Variants in KCNMA1 observed in about 807,000 individuals in gnomAD.
The protein encoded by KCNMA1 is Calcium-activated potassium channel subunit alpha-1.
Under a neutral mutation model 140.0 loss-of-function variants are expected in KCNMA1, and 29 were observed. The ratio of observed to expected loss-of-function variants is 0.21; its 90% confidence interval spans 0.15 to 0.28. KCNMA1 has a LOEUF of 0.28. KCNMA1 is among the 10% of genes least tolerant of loss of function. The pLI is 1.00. For missense variants in KCNMA1, 880 were observed against 1,602.2 expected (o/e 0.55, Z 7.70); for synonymous variants, 612 against 611.9 (o/e 1.00, Z 0.00).
At chr10:77,295,519 C>T (rs970718087) in intron 2 of KCNMA1, among the ~76,000 whole-genome samples, 4 of 151,710 alleles carry the variant, frequency 2.6e-5, no homozygotes, top group African/African-American at 9.7e-5. Flanking sequence ...CGGTGGCTCA[C>T]GCCTGTAATC....
intron 2 of KCNMA1, among the ~76,000 whole-genome samples, chr10:77,283,615 G>A (rs564779614): frequency 1.3e-5 from 2 of 152,324 alleles, no homozygotes; most frequent in Middle Eastern, 6.8e-3. Flanking sequence ...TGGTAGAGTT[G>A]GATCCTTTGG....
intron 3 of KCNMA1, among the ~76,000 whole-genome samples, chr10:77,248,865 C>T (rs149854723): frequency 8.5e-5 from 13 of 152,230 alleles, no homozygotes; most frequent in Non-Finnish European, 1.8e-4. Context: ...GCTTGCTTGC[C>T]GTCTTTCCCA....
Position 77,108,622 on chromosome 10 carries a change from A to G in KCNMA1, c.1132-50T>C. 4 of 1,384,352 alleles carry G rather than the reference A, an allele frequency of 2.9e-6. No homozygotes were observed. The highest frequency in any genetic ancestry group is 4.1e-6 in the Non-Finnish European group (4 of 975,046). The allele number at this position is 1,384,352 out of a possible 1,614,324, so 85.8% of individuals were successfully genotyped here. On this transcript the variant is annotated intron_variant, in intron 8 of 27. Transcript: ENST00000286628. The surrounding 1 kb of genome is among the most constrained non-coding windows in gnomAD (Gnocchi z 4.6). The stretch of plus-strand genomic sequence containing the variant: ...AGACTAAAAAGACAGGCCAAAGAAA[A>G]GGGGGGACCTGTTCAGAGGGTGGGG...
At chr10:76,925,653 C>T (rs924845843) in intron 23 of KCNMA1, among the ~76,000 whole-genome samples, 4 of 152,088 alleles carry the variant, frequency 2.6e-5, no homozygotes, top group Admixed American at 1.3e-4. Flanking sequence ...TCTTTATGTT[C>T]TTGGTGCTAT....
At chr10:77,296,916 G>C (rs1302024888) in intron 2 of KCNMA1, among the ~76,000 whole-genome samples, 1 of 149,846 alleles carries the variant, frequency 6.7e-6, no homozygotes, top group Non-Finnish European at 1.5e-5. Context: ...TGTGGGCGGG[G>C]GGGCGGTGGG....
chr10:77,134,997 C>CAAAAAAAAAAAAA lies in KCNMA1; in HGVS notation c.809-13962_809-13950dup. On this transcript the variant is annotated intron_variant, in intron 5 of 27. Coordinates refer to ENST00000286628, the MANE Select transcript of KCNMA1 (RefSeq NM_001161352.2). ...TGGGAGACAGAGCAAGACTCTGTCT[C>CAAAAAAAAAAAAA]AAAAAAAAAAAAAAAAAAAAAAAAA... 3.1e-3 allele frequency among the ~76,000 whole-genome samples: 36 copies of CAAAAAAAAAAAAA among 11,770 alleles called. 5 individuals are homozygous for CAAAAAAAAAAAAA. The highest frequency in any genetic ancestry group is 9.8e-3 in the Admixed American group (5 of 512). The allele number at this position is 11,770 out of a possible 152,430, so 7.7% of individuals were successfully genotyped here.
chr10:76,907,112 A>T (rs949599669), intron 25 of KCNMA1, among the ~76,000 whole-genome samples: 1 of 152,200 alleles, frequency 6.6e-6, no homozygotes, highest in South Asian at 2.1e-4. Flanking sequence ...GCTCCTGATG[A>T]TAAATACAAT....
intron 18 of KCNMA1, among the ~76,000 whole-genome samples, chr10:77,005,253 C>T (rs1176500483): frequency 6.6e-6 from 1 of 152,160 alleles, no homozygotes; most frequent in African/African-American, 2.4e-5. Flanking sequence ...CATTTCAATT[C>T]AATGGCTTCT....
At chr10:77,061,174 T>C (rs1242604304) in intron 14 of KCNMA1, among the ~76,000 whole-genome samples, 1 of 152,074 alleles carries the variant, frequency 6.6e-6, no homozygotes, top group Admixed American at 6.6e-5. Context: ...TAAGAAAAAC[T>C]CCAAATATTT....
chr10:76,951,432 A>G (rs1403765425), intron 21 of KCNMA1, among the ~76,000 whole-genome samples: 1 of 152,150 alleles, frequency 6.6e-6, no homozygotes, highest in Non-Finnish European at 1.5e-5. Flanking sequence ...CTGGTCACTT[A>G]AACACACCCT....
intron 2 of KCNMA1, among the ~76,000 whole-genome samples, chr10:77,392,149 A>G (rs1049700564): frequency 8.6e-6 from 1 of 116,042 alleles, no homozygotes; most frequent in Non-Finnish European, 1.8e-5. Context: ...GAAGGGAGGG[A>G]GGGAGGAAGG....
intron 1 of KCNMA1, among the ~76,000 whole-genome samples, chr10:77,404,662 T>C (rs1230400607): frequency 6.6e-6 from 1 of 152,170 alleles, no homozygotes; most frequent in Non-Finnish European, 1.5e-5. Flanking sequence ...CCTGTGGTCT[T>C]TGCCTACCCA....
In KCNMA1 at chr10:77,543,083, C is replaced by T. The variant is rs570992164; in HGVS notation, c.378+94182G>A. Reference sequence around the variant, plus strand: ...TCTCTCTCTCTTTCTCTCACAGAAACACAGGTTCCAGGGCTCAACGCTTAA... The same window carrying T: ...TCTCTCTCTCTTTCTCTCACAGAAATACAGGTTCCAGGGCTCAACGCTTAA... On this transcript the variant is annotated intron_variant, in intron 1 of 27. Coordinates refer to ENST00000286628, the MANE Select transcript of KCNMA1 (RefSeq NM_001161352.2). Among the ~76,000 whole-genome samples the T allele has an allele frequency of 1.2e-4, 18 of 150,962 alleles. 1 individual carries two copies. In the South Asian group the frequency reaches 3.1e-3, roughly 26 times the overall value.
intron 23 of KCNMA1, among the ~76,000 whole-genome samples, chr10:76,938,711 C>G (rs1213367841): frequency 1.3e-5 from 2 of 152,170 alleles, no homozygotes; most frequent in Admixed American, 6.5e-5. Context: ...ATGCCCAACC[C>G]ACATTTCAAC....
rs866230340 is a variant in KCNMA1 at position 77,440,878 on chromosome 10, G to A, written c.379-36855C>T. On this transcript the variant is annotated intron_variant, in intron 1 of 27. Transcript: ENST00000286628. Reference sequence around the variant, plus strand: ...CTGTCGCCCAGGCTGGAGTGCAGTGGCACGATCTTGGCTCACTGCAAGCTC... The same window carrying A: ...CTGTCGCCCAGGCTGGAGTGCAGTGACACGATCTTGGCTCACTGCAAGCTC... 3.3e-5 allele frequency among the ~76,000 whole-genome samples: 5 copies of A among 152,276 alleles called. No homozygotes were observed. In the South Asian group the frequency reaches 1.0e-3, roughly 32 times the overall value.
intron 5 of KCNMA1, among the ~76,000 whole-genome samples, chr10:77,127,910 G>A (rs553557421): frequency 1.3e-5 from 2 of 152,202 alleles, no homozygotes; most frequent in African/African-American, 4.8e-5. Flanking sequence ...GGAGGTGGAA[G>A]TTGCAGTGAG....
At chr10:77,584,759 C>T (rs1367621012) in intron 1 of KCNMA1, among the ~76,000 whole-genome samples, 1 of 152,238 alleles carries the variant, frequency 6.6e-6, no homozygotes, top group Non-Finnish European at 1.5e-5. Flanking sequence ...CAAGAGTGAG[C>T]TGGGAGAAGG....
At chr10:77,089,216 T>C (rs1237898001) in intron 10 of KCNMA1, among the ~76,000 whole-genome samples, 1 of 152,210 alleles carries the variant, frequency 6.6e-6, no homozygotes, top group African/African-American at 2.4e-5. Context: ...TCTAGCATTC[T>C]GTGAGCAAAT....
intron 3 of KCNMA1, among the ~76,000 whole-genome samples, chr10:77,211,012 A>T (rs2045885512): frequency 6.6e-6 from 1 of 152,170 alleles, no homozygotes; most frequent in Non-Finnish European, 1.5e-5. Flanking sequence ...CAGATTCAAC[A>T]CTATTCCTAT....
Sources: gnomAD v4.1 joint callset for allele counts (sites outside exome capture counted in the v4.1 genomes callset) on GRCh38, gnomAD v4.1.1 for gene constraint, Gnocchi (gnomAD v3.1) non-coding constraint, MANE v1.5 for transcripts, NCBI Gene and HGNC (gene_info 2026-07-23, HGNC 2026-07-21) for gene names.